The following LYRM4 variants were observed in gnomAD, a reference collection of about 807,000 sequenced individuals.
LYRM4 encodes LYR motif-containing protein 4.
LYRM4 carries 9 observed loss-of-function variants against 11.7 expected under a neutral mutation model. That is an observed-to-expected ratio of 0.77 (90% CI 0.46 to 1.34). The LOEUF (loss-of-function observed/expected upper bound fraction) is 1.34. LYRM4 is among the 40% of genes most tolerant of loss of function. The probability of loss-of-function intolerance (pLI) is 0.00; values close to 1 mark genes in which losing one functional copy is unlikely to be tolerated. For synonymous variants in LYRM4, 42 were observed against 40.4 expected (o/e 1.04, Z -0.15); for missense variants, 133 against 112.5 (o/e 1.18, Z -0.82).
the LYRM4 span, among the ~76,000 whole-genome samples, chr6:5,053,574 G>A: frequency 6.6e-6 from 1 of 151,656 alleles, no homozygotes; most frequent in Non-Finnish European, 1.5e-5. Flanking sequence ...GCTGCAGCGA[G>A]CTATAATCCT....
At chr6:5,145,675 G>A (rs535423314) in intron 2 of LYRM4, among the ~76,000 whole-genome samples, 27 of 152,242 alleles carry the variant, frequency 1.8e-4, no homozygotes, top group African/African-American at 6.0e-4. Flanking sequence ...TCCTATTTTC[G>A]ATCCTCATGC....
At chr6:5,187,156 A>G (rs932443751) in intron 2 of LYRM4, among the ~76,000 whole-genome samples, 2 of 152,242 alleles carry the variant, frequency 1.3e-5, no homozygotes, top group Non-Finnish European at 2.9e-5. Context: ...GACCCCTAAC[A>G]GAGGCGATAC....
At chr6:5,039,734 A>T in the LYRM4 span, among the ~76,000 whole-genome samples, 77 of 152,362 alleles carry the variant, frequency 5.1e-4, 1 homozygote, top group African/African-American at 1.8e-3. Flanking sequence ...ACAGAGTTTT[A>T]GATATGAAAA....
chr6:5,143,090 A>T (rs980791006), intron 2 of LYRM4, among the ~76,000 whole-genome samples: 1 of 152,156 alleles, frequency 6.6e-6, no homozygotes, highest in Non-Finnish European at 1.5e-5. Flanking sequence ...CTGGTGGGAG[A>T]TCAGTGATGC....
intron 1 of LYRM4, among the ~76,000 whole-genome samples, chr6:5,251,389 A>C (rs1056675161): frequency 6.6e-6 from 1 of 152,180 alleles, no homozygotes; most frequent in Non-Finnish European, 1.5e-5. Flanking sequence ...AAGAGGTTTA[A>C]TTGGCTCACA....
chr6:5,165,548 AT>A (rs1230205899), intron 2 of LYRM4, among the ~76,000 whole-genome samples: 45 of 132,858 alleles, frequency 3.4e-4, no homozygotes, highest in African/African-American at 8.6e-4. Flanking sequence ...CCTATTTTTA[AT>A]TTTTTTTTTT....
intron 2 of LYRM4, among the ~76,000 whole-genome samples, chr6:5,189,642 C>A (rs1760639714): frequency 6.6e-6 from 1 of 152,226 alleles, no homozygotes; most frequent in Non-Finnish European, 1.5e-5. Flanking sequence ...TTAAGAGCTA[C>A]TAATAACTCC....
At chr6:5,148,930 C>T (rs992059412) in intron 2 of LYRM4, among the ~76,000 whole-genome samples, 3 of 152,256 alleles carry the variant, frequency 2.0e-5, no homozygotes, top group East Asian at 1.9e-4. Context: ...ATTTCTTAAT[C>T]GTCTAGAATA....
intron 2 of LYRM4, among the ~76,000 whole-genome samples, chr6:5,214,977 G>A (rs72813604): frequency 0.014 from 2,187 of 152,268 alleles, 30 homozygotes; most frequent in Non-Finnish European, 0.022. Flanking sequence ...ACATGCCACT[G>A]CTCCAGTGCG....
rs151228203 is a variant in LYRM4 at position 5,147,448 on chromosome 6, C to G, written c.208-37957G>C. 2.0e-5 allele frequency among the ~76,000 whole-genome samples: 3 copies of G among 152,236 alleles called. No homozygotes were observed. In the East Asian group the frequency reaches 5.8e-4, roughly 29 times the overall value. On this transcript the variant is annotated intron_variant, in intron 2 of 2. Coordinates refer to ENST00000330636, the MANE Select transcript of LYRM4 (RefSeq NM_020408.6). ...AGGATTTCACCTAAAATGCCAGTGA[C>G]CAGAAGTAGATGGTGTCCTCTTTCT...
chr6:5,150,138 C>T (rs895759989), intron 2 of LYRM4, among the ~76,000 whole-genome samples: 28 of 152,158 alleles, frequency 1.8e-4, no homozygotes, highest in African/African-American at 6.5e-4. Context: ...GCCCATCTGT[C>T]CCATAAAAGC....
chr6:5,183,055 T>G (rs1760169798), intron 2 of LYRM4, among the ~76,000 whole-genome samples: 1 of 152,220 alleles, frequency 6.6e-6, no homozygotes, highest in Admixed American at 6.5e-5. Flanking sequence ...CTAAAGCTTT[T>G]TCTTCCCTTC....
chr6:5,079,047 G>C, the LYRM4 span, among the ~76,000 whole-genome samples: 1 of 152,074 alleles, frequency 6.6e-6, no homozygotes, highest in Non-Finnish European at 1.5e-5. Flanking sequence ...AACTCACAAA[G>C]GCAGCTAACC....
the LYRM4 span, among the ~76,000 whole-genome samples, chr6:5,040,396 A>G: frequency 1.0e-3 from 113 of 112,870 alleles, 9 homozygotes; most frequent in East Asian, 0.03. Flanking sequence ...TACATACATA[A>G]AGAAATTTCT....
chr6:5,058,108 A>G, the LYRM4 span, among the ~76,000 whole-genome samples: 3 of 152,234 alleles, frequency 2.0e-5, no homozygotes, highest in East Asian at 1.9e-4. Flanking sequence ...ATACAACAAC[A>G]TCTCCTTCAT....
At chr6:5,114,840 C>T (rs1280335074) in intron 2 of LYRM4, among the ~76,000 whole-genome samples, 2 of 152,132 alleles carry the variant, frequency 1.3e-5, no homozygotes, top group African/African-American at 2.4e-5. Context: ...GCACGTGGCC[C>T]GCAGGCTGTG....
At chr6:5,254,180 C>T (rs893138819) in intron 1 of LYRM4, among the ~76,000 whole-genome samples, 1 of 152,236 alleles carries the variant, frequency 6.6e-6, no homozygotes, top group Admixed American at 6.5e-5. Context: ...CAACTGTCTC[C>T]ATAATGACCC....
chr6:5,260,611 GC>G (rs754044531), intron 1 of LYRM4, 36 bp downstream of exon 1: 15 of 1,377,552 alleles, frequency 1.1e-5, no homozygotes, highest in Admixed American at 9.3e-5. Flanking sequence ...CCGGCCCCTG[GC>G]CCCCCGCCCC....
intron 2 of LYRM4, among the ~76,000 whole-genome samples, chr6:5,178,804 CAAA>C (rs56880549): frequency 2.6e-3 from 78 of 29,986 alleles, no homozygotes; most frequent in African/African-American, 7.1e-3. Flanking sequence ...GACTCTGTCT[CAAA>C]AAAAAAAAAA....
Sources: gnomAD v4.1 joint callset for allele counts (sites outside exome capture counted in the v4.1 genomes callset) on GRCh38, gnomAD v4.1.1 for gene constraint, MANE v1.5 for transcripts, NCBI Gene and HGNC (gene_info 2026-07-23, HGNC 2026-07-21) for gene names.